ERC2: variants seen among roughly 807,000 people sequenced by gnomAD.
The protein encoded by ERC2 is ELKS/RAB6-interacting/CAST family member 2, also known as ERC protein 2.
A neutral mutation model predicts 114.8 loss-of-function variants in ERC2; 42 were observed. The ratio of observed to expected loss-of-function variants is 0.37; its 90% CI spans 0.29 to 0.47. The LOEUF is 0.47. ERC2 is among the 20% of genes least tolerant of loss of function. The pLI is 0.99. For synonymous variants in ERC2, 454 were observed against 425.5 expected (o/e 1.07, Z -0.82); for missense variants, 939 against 1,150.7 (o/e 0.82, Z 2.66).
At chr3:55,797,980 T>G (rs372625016) in intron 14 of ERC2, among the ~76,000 whole-genome samples, 9 of 152,192 alleles carry the variant, frequency 5.9e-5, no homozygotes, top group East Asian at 5.8e-4. Context: ...GAAGAGAGAA[T>G]GAGTGAACTA....
chr3:55,862,637 T>C (rs944086542), intron 14 of ERC2, among the ~76,000 whole-genome samples: 31 of 152,310 alleles, frequency 2.0e-4, no homozygotes, highest in African/African-American at 7.5e-4. Context: ...CTGATTTCTC[T>C]TTGGCCTAGA....
chr3:55,839,807 T>C (rs1187229159), intron 14 of ERC2, among the ~76,000 whole-genome samples: 1 of 151,706 alleles, frequency 6.6e-6, no homozygotes, highest in Non-Finnish European at 1.5e-5. Flanking sequence ...TAAAAACAAA[T>C]AGCAAGATGA....
intron 17 of ERC2, among the ~76,000 whole-genome samples, chr3:55,646,122 T>C (rs1398830701): frequency 1.3e-5 from 2 of 152,236 alleles, no homozygotes; most frequent in Admixed American, 6.5e-5. Context: ...GGGTTGCCTA[T>C]TCTGCAATTC....
intron 14 of ERC2, among the ~76,000 whole-genome samples, chr3:55,794,306 T>G (rs1327990980): frequency 6.6e-6 from 1 of 152,244 alleles, no homozygotes; most frequent in Non-Finnish European, 1.5e-5. Context: ...ACTTTTATCC[T>G]GTTTCCCTTT....
intron 6 of ERC2, among the ~76,000 whole-genome samples, chr3:56,085,482 T>C (rs1359418481): frequency 6.6e-6 from 1 of 152,170 alleles, no homozygotes; most frequent in East Asian, 1.9e-4. Flanking sequence ...GCCAGAAAGA[T>C]ACAGGGCCTG....
At chr3:55,820,252 A>G (rs2149151738) in intron 14 of ERC2, among the ~76,000 whole-genome samples, 1 of 152,316 alleles carries the variant, frequency 6.6e-6, no homozygotes, top group Admixed American at 6.5e-5. Context: ...CAAGGACCTC[A>G]GGCAGACTCT....
At chr3:56,430,107 C>G (rs1461267233) in intron 2 of ERC2, among the ~76,000 whole-genome samples, 1 of 152,212 alleles carries the variant, frequency 6.6e-6, no homozygotes, top group Admixed American at 6.5e-5. Context: ...TTTCTCTTCA[C>G]ACAGAACAGT....
At chr3:56,138,307 G>A (rs559656513) in intron 6 of ERC2, among the ~76,000 whole-genome samples, 6 of 152,196 alleles carry the variant, frequency 3.9e-5, no homozygotes, top group African/African-American at 7.2e-5. Context: ...TGATCCACCC[G>A]CCTTGGCCTC....
At chr3:56,397,946 C>A (rs1310281242) in intron 2 of ERC2, among the ~76,000 whole-genome samples, 1 of 152,196 alleles carries the variant, frequency 6.6e-6, no homozygotes, top group Non-Finnish European at 1.5e-5. Context: ...AGAAGACATG[C>A]CTTTCCCTTT....
chr3:56,096,820 T>C (rs1331773812), intron 6 of ERC2, among the ~76,000 whole-genome samples: 1 of 152,228 alleles, frequency 6.6e-6, no homozygotes, highest in African/African-American at 2.4e-5. Context: ...ACCTTCCCTC[T>C]ATGTATTCTT....
chr3:55,859,187 T>A (rs893251617), intron 14 of ERC2, among the ~76,000 whole-genome samples: 27 of 152,294 alleles, frequency 1.8e-4, no homozygotes, highest in African/African-American at 6.3e-4. Context: ...GGTCACTTCC[T>A]GGGCTGCTGG....
At chr3:56,404,207 CTT>C (rs1298530397) in intron 2 of ERC2, among the ~76,000 whole-genome samples, 9 of 152,328 alleles carry the variant, frequency 5.9e-5, no homozygotes, top group East Asian at 1.9e-4. Context: ...AAGATTCTCT[CTT>C]GTTTTGTAAA....
chr3:55,691,544 CAAAAAAAAAAAAAA>C lies in ERC2; in HGVS notation c.2848-7699_2848-7686del, dbSNP rs748917550. Among the ~76,000 whole-genome samples, 205 of 66,978 alleles carry C rather than the reference CAAAAAAAAAAAAAA, an allele frequency of 3.1e-3. 5 individuals are homozygous for C. The highest frequency in any genetic ancestry group is 0.013 in the Middle Eastern group (1 of 78). The allele number at this position is 66,978 out of a possible 152,430, so 43.9% of individuals were successfully genotyped here. On this transcript the variant is annotated intron_variant, in intron 16 of 17. Coordinates refer to ENST00000288221, the MANE Select transcript of ERC2 (RefSeq NM_015576.3). Reference sequence around the variant, plus strand: ...GGGCCATGACATTAGATTTGCAATGCAAAAAAAAAAAAAAAAAAAAAAAAAAAAAATATATATAT... The same window carrying C: ...GGGCCATGACATTAGATTTGCAATGCAAAAAAAAAAAAAAAATATATATAT...
chr3:56,060,058 T>C (rs6775973), intron 7 of ERC2, among the ~76,000 whole-genome samples: 142,007 of 152,294 alleles, frequency 0.93, 66,543 homozygotes, highest in East Asian at 1. Flanking sequence ...AAATCTTTAA[T>C]ATGTGTTCAT....
intron 3 of ERC2, among the ~76,000 whole-genome samples, chr3:56,270,169 TA>T (rs746514541): frequency 2.3e-3 from 311 of 136,308 alleles, no homozygotes; most frequent in Non-Finnish European, 1.8e-3. Flanking sequence ...CAAGAGCACC[TA>T]AAAAAAAAAA....
chr3:55,713,607 G>C (rs532178437), intron 15 of ERC2, among the ~76,000 whole-genome samples: 1 of 152,262 alleles, frequency 6.6e-6, no homozygotes, highest in African/African-American at 2.4e-5. Flanking sequence ...GATTTTGTCT[G>C]CCATTGTTTT....
chr3:56,241,049 C>A (rs1393879598), intron 3 of ERC2, among the ~76,000 whole-genome samples: 3 of 152,090 alleles, frequency 2.0e-5, no homozygotes, highest in Non-Finnish European at 4.4e-5. Flanking sequence ...TTGTTTAGCT[C>A]CCACTTACAA....
At chr3:55,835,519 A>G (rs1207282114) in intron 14 of ERC2, among the ~76,000 whole-genome samples, 1 of 152,226 alleles carries the variant, frequency 6.6e-6, no homozygotes, top group East Asian at 1.9e-4. Context: ...TTATCTCAAT[A>G]GATGCAGAAA....
chr3:55,956,008 A>T (rs2067928936), intron 12 of ERC2, among the ~76,000 whole-genome samples: 1 of 152,186 alleles, frequency 6.6e-6, no homozygotes, highest in Non-Finnish European at 1.5e-5. Context: ...GGGGTTGATG[A>T]GTTAGTACTG....
Sources: gnomAD v4.1 joint callset for allele counts (sites outside exome capture counted in the v4.1 genomes callset) on GRCh38, gnomAD v4.1.1 for gene constraint, MANE v1.5 for transcripts, NCBI Gene and HGNC (gene_info 2026-07-23, HGNC 2026-07-21) for gene names.